Variants in PCSK5 observed in about 807,000 individuals in gnomAD.
PCSK5 encodes the protein prohormone convertase 5.
In PCSK5, 129 loss-of-function variants were observed where a neutral mutation model predicts 233.2. That is an observed-to-expected ratio of 0.55 (90% CI 0.48 to 0.64). The LOEUF (loss-of-function observed/expected upper bound fraction) is 0.64, where lower values mean the gene tolerates loss of function less well. Among genes scored for constraint, PCSK5 ranks in the 30% least tolerant of loss-of-function variants. The probability of loss-of-function intolerance (pLI) is 0.00; values close to 1 mark genes in which losing one functional copy is unlikely to be tolerated. For missense variants in PCSK5, 2,076 were observed against 2,430.1 expected (o/e 0.85, Z 3.06); for synonymous variants, 825 against 879.2 (o/e 0.94, Z 1.09).
At chr9:75,896,544 T>C (rs1338409881) in intron 1 of PCSK5, among the ~76,000 whole-genome samples, 1 of 152,182 alleles carries the variant, frequency 6.6e-6, no homozygotes, top group Admixed American at 6.5e-5. Context: ...TGTGAAGCAG[T>C]GTCTGGTTTT....
intron 12 of PCSK5, among the ~76,000 whole-genome samples, chr9:76,166,160 T>C (rs1255106004): frequency 6.6e-6 from 1 of 152,254 alleles, no homozygotes; most frequent in African/African-American, 2.4e-5. Context: ...TGTTTTTTTT[T>C]CCCCATCAAC....
chr9:76,301,266 T>G (rs1339005255), intron 27 of PCSK5, among the ~76,000 whole-genome samples: 1 of 106,612 alleles, frequency 9.4e-6, no homozygotes, highest in Non-Finnish European at 2.0e-5. Flanking sequence ...AGCGCGACTC[T>G]CTCAAAAAAA....
At chr9:75,922,696 G>T (rs776806938) in intron 1 of PCSK5, among the ~76,000 whole-genome samples, 1 of 152,164 alleles carries the variant, frequency 6.6e-6, no homozygotes, top group Non-Finnish European at 1.5e-5. Flanking sequence ...CAGTGGGGAA[G>T]GGCAGATTAA....
At chr9:76,312,433 C>T (rs986846988) in intron 30 of PCSK5, among the ~76,000 whole-genome samples, 3 of 150,630 alleles carry the variant, frequency 2.0e-5, no homozygotes, top group East Asian at 3.9e-4. Flanking sequence ...CGTTTGAACT[C>T]GGGAGGTGGA....
intron 22 of PCSK5, among the ~76,000 whole-genome samples, chr9:76,236,239 A>G (rs549866516): frequency 6.6e-6 from 1 of 152,194 alleles, no homozygotes; most frequent in African/African-American, 2.4e-5. Flanking sequence ...CCTTTCCAGC[A>G]GTCCTTTTCG....
At position 76,104,070 on chromosome 9, in the gene PCSK5, C is replaced by T. The variant is rs73456429; in HGVS notation, c.1108-3181C>T. 5.9e-3 allele frequency among the ~76,000 whole-genome samples: 892 copies of T among 152,224 alleles called. 13 individuals carry two copies. The highest frequency in any genetic ancestry group is 0.019 in the African/African-American group (807 of 41,534). ...TGTGTTGTGATTAATGGGGATATTC[C>T]ATGTGGTTCCAGTTTTCATAACGTC... On this transcript the variant is annotated intron_variant, in intron 8 of 37. Coordinates refer to ENST00000674117, the MANE Select transcript of PCSK5 (RefSeq NM_001372043.1).
At chr9:76,291,212 T>A (rs779514180) in intron 24 of PCSK5, among the ~76,000 whole-genome samples, 7 of 152,186 alleles carry the variant, frequency 4.6e-5, no homozygotes, top group Admixed American at 1.3e-4. Context: ...GGACCCAAGA[T>A]GAACGTGTGA....
At chr9:75,965,673 A>G (rs1825552879) in intron 2 of PCSK5, among the ~76,000 whole-genome samples, 2 of 152,222 alleles carry the variant, frequency 1.3e-5, no homozygotes, top group South Asian at 4.1e-4. Flanking sequence ...ACCCAAAGAG[A>G]GTATTTAATC....
intron 3 of PCSK5, among the ~76,000 whole-genome samples, chr9:76,014,692 G>A (rs1380504950): frequency 6.6e-6 from 1 of 152,116 alleles, no homozygotes; most frequent in Non-Finnish European, 1.5e-5. Context: ...TCTTCTGCCA[G>A]GAGGATTGAA....
At chr9:76,199,398 C>T (rs1264184410) in intron 20 of PCSK5, among the ~76,000 whole-genome samples, 1 of 152,088 alleles carries the variant, frequency 6.6e-6, no homozygotes, top group Non-Finnish European at 1.5e-5. Context: ...TTGACCAAAA[C>T]GTCATTATAT....
intron 9 of PCSK5, among the ~76,000 whole-genome samples, chr9:76,127,832 T>C (rs1822574837): frequency 6.6e-6 from 1 of 151,968 alleles, no homozygotes; most frequent in Non-Finnish European, 1.5e-5. Flanking sequence ...AGCCATCTTG[T>C]GGAGTCAGCG....
At chr9:76,323,497 C>T (rs998926419) in intron 32 of PCSK5, among the ~76,000 whole-genome samples, 4 of 152,126 alleles carry the variant, frequency 2.6e-5, no homozygotes, top group Non-Finnish European at 4.4e-5. Flanking sequence ...GATCCTCCCA[C>T]CTCAGCCTCC....
intron 24 of PCSK5, among the ~76,000 whole-genome samples, chr9:76,289,985 G>A (rs938207470): frequency 6.6e-6 from 1 of 152,162 alleles, no homozygotes; most frequent in Non-Finnish European, 1.5e-5. Context: ...GCTTAAAGGA[G>A]CAGAGAGCAA....
chr9:75,979,262 G>A (rs896816349), intron 2 of PCSK5, among the ~76,000 whole-genome samples: 2 of 151,908 alleles, frequency 1.3e-5, no homozygotes, highest in African/African-American at 2.4e-5. Flanking sequence ...CATCAAAGCC[G>A]TCTAAAAAAA....
intron 10 of PCSK5, among the ~76,000 whole-genome samples, chr9:76,155,440 A>G (rs1434134855): frequency 6.6e-6 from 1 of 152,220 alleles, no homozygotes; most frequent in African/African-American, 2.4e-5. Context: ...TTAACATAGA[A>G]CATATAAAGA....
intron 35 of PCSK5, among the ~76,000 whole-genome samples, chr9:76,347,331 C>A (rs1352247357): frequency 1.3e-5 from 2 of 152,136 alleles, no homozygotes; most frequent in African/African-American, 4.8e-5. Context: ...AAATGCCTAT[C>A]TTTTAGGTCC....
intron 1 of PCSK5, 139 bp from the exon 2 acceptor site, chr9:75,932,240 A>T: frequency 1.6e-6 from 1 of 614,290 alleles, no homozygotes; most frequent in Non-Finnish European, 2.9e-6. Context: ...GGTAACATTT[A>T]AGCACAGCCA....
At chr9:76,330,792 T>C (rs561503472) in intron 33 of PCSK5, among the ~76,000 whole-genome samples, 56 of 152,242 alleles carry the variant, frequency 3.7e-4, no homozygotes, top group African/African-American at 1.3e-3. Context: ...TCTCTATCCA[T>C]CTACCTTAGC....
chr9:76,064,462 A>C (rs1481688271), intron 5 of PCSK5, among the ~76,000 whole-genome samples: 17 of 102,928 alleles, frequency 1.7e-4, no homozygotes, highest in Middle Eastern at 7.2e-3. Flanking sequence ...GGGGGGGCTG[A>C]CCCCCCACCT....
Sources: allele counts gnomAD v4.1 joint callset (sites outside exome capture counted in the v4.1 genomes callset), GRCh38; gene constraint gnomAD v4.1.1; transcripts MANE v1.5; gene names NCBI Gene and HGNC (gene_info 2026-07-23, HGNC 2026-07-21).